The following THSD7B variants were observed in gnomAD, a reference collection of about 807,000 sequenced individuals.
THSD7B encodes the protein thrombospondin type 1 domain containing 7B.
A neutral mutation model predicts 213.6 loss-of-function variants in THSD7B; 138 were observed. The observed-to-expected ratio is 0.65, with a 90% CI of 0.56 to 0.74. The LOEUF (loss-of-function observed/expected upper bound fraction) is 0.74. Ranked by LOEUF, THSD7B falls within the 30% of genes least tolerant of loss-of-function variation. The pLI, the probability that THSD7B is intolerant of heterozygous loss-of-function variation, is 0.00. For synonymous variants in THSD7B, 742 were observed against 687.0 expected (o/e 1.08, Z -1.25); for missense variants, 1,931 against 1,991.5 (o/e 0.97, Z 0.58).
chr2:137,048,420 C>T (rs1687007348), intron 2 of THSD7B, among the ~76,000 whole-genome samples: 1 of 152,050 alleles, frequency 6.6e-6, no homozygotes, highest in Non-Finnish European at 1.5e-5. Flanking sequence ...CTTGTTTGTT[C>T]TCACTTGTAT....
At chr2:137,183,306 A>T (rs1680489824) in intron 7 of THSD7B, among the ~76,000 whole-genome samples, 1 of 152,102 alleles carries the variant, frequency 6.6e-6, no homozygotes. Flanking sequence ...AATGATCACA[A>T]ATTAGAAATT....
At chr2:137,491,491 G>A (rs907486649) in intron 15 of THSD7B, among the ~76,000 whole-genome samples, 8 of 152,290 alleles carry the variant, frequency 5.3e-5, no homozygotes, top group African/African-American at 1.7e-4. Context: ...GTGCTTAATT[G>A]TATTTATATG....
At chr2:137,539,883 T>C (rs538510915) in intron 15 of THSD7B, among the ~76,000 whole-genome samples, 42 of 151,836 alleles carry the variant, frequency 2.8e-4, no homozygotes, top group African/African-American at 7.7e-4. Context: ...CAATTCATGA[T>C]GTATTTCTTG....
intron 1 of THSD7B, among the ~76,000 whole-genome samples, chr2:136,801,227 A>G (rs1247035056): frequency 6.6e-6 from 1 of 152,128 alleles, no homozygotes; most frequent in Non-Finnish European, 1.5e-5. Flanking sequence ...ACTAAAATAA[A>G]TCTTGAAATG....
chr2:136,898,678 CCA>C (rs1684009541), intron 2 of THSD7B, among the ~76,000 whole-genome samples: 1 of 149,040 alleles, frequency 6.7e-6, no homozygotes, highest in East Asian at 2.0e-4. Context: ...GAGTCTCCCC[CCA>C]TCACCAGGCT....
intron 1 of THSD7B, among the ~76,000 whole-genome samples, chr2:136,776,166 G>A (rs994141557): frequency 2.0e-5 from 3 of 152,118 alleles, no homozygotes; most frequent in Non-Finnish European, 4.4e-5. Context: ...TTTTATAGGT[G>A]AGTAGATTCA....
chr2:136,814,649 C>T (rs192594768), intron 1 of THSD7B, among the ~76,000 whole-genome samples: 115 of 152,302 alleles, frequency 7.6e-4, no homozygotes, highest in African/African-American at 2.7e-3. Context: ...CTGCCCGCCT[C>T]AGCCTCCCAA....
chr2:136,891,412 T>C (rs545638460), intron 2 of THSD7B, among the ~76,000 whole-genome samples: 1 of 152,344 alleles, frequency 6.6e-6, no homozygotes, highest in East Asian at 1.9e-4. Flanking sequence ...GCTGGCTTTT[T>C]TATTAGAGTA....
intron 1 of THSD7B, among the ~76,000 whole-genome samples, chr2:136,814,996 G>A (rs1034106717): frequency 6.6e-6 from 1 of 152,142 alleles, no homozygotes; most frequent in Non-Finnish European, 1.5e-5. Context: ...TTGGAATGCA[G>A]CCATGCTCAT....
intron 15 of THSD7B, among the ~76,000 whole-genome samples, chr2:137,483,222 A>G (rs959208562): frequency 1.3e-5 from 2 of 152,238 alleles, no homozygotes; most frequent in Admixed American, 6.5e-5. Flanking sequence ...TACGTGCATT[A>G]TCTGTTTTAA....
At chr2:137,032,947 TA>T (rs1352064301) in intron 2 of THSD7B, among the ~76,000 whole-genome samples, 1 of 152,226 alleles carries the variant, frequency 6.6e-6, no homozygotes, top group African/African-American at 2.4e-5. Flanking sequence ...TATGTATTTT[TA>T]ATGGCCACTT....
intron 15 of THSD7B, among the ~76,000 whole-genome samples, chr2:137,523,530 C>G (rs539262880): frequency 6.6e-6 from 1 of 152,290 alleles, no homozygotes; most frequent in Non-Finnish European, 1.5e-5. Context: ...TCCCATGTCA[C>G]TGAAAATTTT....
chr2:137,511,536 G>A (rs1262048920), intron 15 of THSD7B, among the ~76,000 whole-genome samples: 1 of 152,176 alleles, frequency 6.6e-6, no homozygotes, highest in Non-Finnish European at 1.5e-5. Context: ...TCTGAAGGAG[G>A]CAGTCCTTGA....
intron 2 of THSD7B, among the ~76,000 whole-genome samples, chr2:137,016,560 A>G (rs761381172): frequency 6.6e-6 from 1 of 152,212 alleles, no homozygotes; most frequent in Non-Finnish European, 1.5e-5. Flanking sequence ...CCCCTAGCAG[A>G]GAAAGAGGCA....
chr2:137,622,386 G>A (rs929995181), intron 20 of THSD7B, among the ~76,000 whole-genome samples: 4 of 152,068 alleles, frequency 2.6e-5, no homozygotes, highest in African/African-American at 9.7e-5. Flanking sequence ...CAAGTTATTT[G>A]CTTCCAAGAT....
chr2:137,630,946 G>T (rs990794201), intron 20 of THSD7B, among the ~76,000 whole-genome samples: 4 of 152,076 alleles, frequency 2.6e-5, no homozygotes, highest in Admixed American at 1.3e-4. Flanking sequence ...CTGAGTTATT[G>T]GGCAAAACCT....
At chr2:136,853,913 T>A (rs1477220215) in intron 1 of THSD7B, among the ~76,000 whole-genome samples, 1 of 152,214 alleles carries the variant, frequency 6.6e-6, no homozygotes, top group Non-Finnish European at 1.5e-5. Flanking sequence ...ATGCCTAAAC[T>A]GTCCTAGATT....
intron 14 of THSD7B, among the ~76,000 whole-genome samples, chr2:137,413,580 G>A (rs1204010739): frequency 1.3e-5 from 2 of 152,166 alleles, no homozygotes; most frequent in East Asian, 3.9e-4. Flanking sequence ...ACATAACAAG[G>A]TTGTTTTAGT....
At chr2:136,801,575 T>G (rs932797695) in intron 1 of THSD7B, among the ~76,000 whole-genome samples, 2 of 152,136 alleles carry the variant, frequency 1.3e-5, no homozygotes, top group Non-Finnish European at 2.9e-5. Flanking sequence ...AAACAGTTTG[T>G]TCTTCCTCTT....
Sources: allele counts gnomAD v4.1 joint callset (sites outside exome capture counted in the v4.1 genomes callset), GRCh38; gene constraint gnomAD v4.1.1; transcripts MANE v1.5; gene names NCBI Gene and HGNC (gene_info 2026-07-23, HGNC 2026-07-21).